Variants in KIF5C observed in about 807,000 individuals in gnomAD.
KIF5C encodes the protein kinesin family member 5C.
In KIF5C, 18 loss-of-function variants were observed where a neutral mutation model predicts 125.2. The observed-to-expected ratio is 0.14, with a 90% CI of 0.10 to 0.21. The LOEUF (loss-of-function observed/expected upper bound fraction) is 0.21, where lower values mean the gene tolerates loss of function less well. Among genes scored for constraint, KIF5C ranks in the 10% least tolerant of loss-of-function variants. The probability of loss-of-function intolerance (pLI) is 1.00; values close to 1 mark genes in which losing one functional copy is unlikely to be tolerated. For synonymous variants in KIF5C, 405 were observed against 434.0 expected (o/e 0.93, Z 0.83); for missense variants, 780 against 1,183.8 (o/e 0.66, Z 5.01).
intron 1 of KIF5C, among the ~76,000 whole-genome samples, chr2:148,887,091 A>G (rs185373140): frequency 1.8e-4 from 27 of 152,360 alleles, no homozygotes; most frequent in Non-Finnish European, 3.4e-4. Flanking sequence ...GATAAGCAGT[A>G]GGTATAAAAT....
intron 1 of KIF5C, among the ~76,000 whole-genome samples, chr2:148,891,123 A>G (rs1251745709): frequency 6.6e-6 from 1 of 152,228 alleles, no homozygotes. Context: ...TGCATATTTC[A>G]GAGTCTCCTG....
At chr2:149,008,765 A>C (rs1348786814) in intron 23 of KIF5C, among the ~76,000 whole-genome samples, 1 of 152,138 alleles carries the variant, frequency 6.6e-6, no homozygotes, top group East Asian at 1.9e-4. Context: ...TTTTTAGACC[A>C]CATGGCCGAG....
intron 1 of KIF5C, chr2:148,878,873 C>T (rs910229795): frequency 6.6e-6 from 1 of 152,174 alleles, no homozygotes; most frequent in African/African-American, 2.4e-5. Context: ...GTGGAGTTAT[C>T]TGTTAGTCCA....
intron 1 of KIF5C, among the ~76,000 whole-genome samples, chr2:148,914,226 G>A (rs1315847383): frequency 6.6e-6 from 1 of 152,212 alleles, no homozygotes; most frequent in African/African-American, 2.4e-5. Flanking sequence ...CTGTAGGTAA[G>A]GGTACACAGC....
chr2:148,997,644 TA>T, intron 18 of KIF5C: 2 of 367,230 alleles, frequency 5.4e-6, no homozygotes. Context: ...TTGTCGGAGT[TA>T]ACTTCTAAGG....
In KIF5C at chr2:148,978,999, T is replaced by C; in HGVS notation, c.1362+9T>C. 1.9e-6 allele frequency: 3 copies of C among 1,555,684 alleles called. No individual in the cohort carries two copies. In the East Asian group the frequency reaches 7.1e-5, roughly 37 times the overall value. ...TGTTGGATCAGGATGAGGTAAAGAA[T>C]GCAATATATTTTTTTTTCCACAAAG... On this transcript the variant is annotated intron_variant, in intron 13 of 25. Coordinates refer to ENST00000435030, the MANE Select transcript of KIF5C (RefSeq NM_004522.3).
chr2:149,006,263 A>G (rs983122208), intron 22 of KIF5C, among the ~76,000 whole-genome samples: 2 of 152,104 alleles, frequency 1.3e-5, no homozygotes, highest in African/African-American at 4.8e-5. Flanking sequence ...AAAGAGGTCA[A>G]ATGTCTTACA....
In KIF5C at chr2:148,949,819, C is replaced by T; in HGVS notation, c.715-20C>T. ...TTCTGCCGTCCTGTGCTGCTCACTG[C>T]TTTCTTTTCTCTCTGGTAGGTCAGC... On this transcript the variant is annotated intron_variant, in intron 8 of 25. Transcript: ENST00000435030. 5 of 1,612,564 alleles carry T rather than the reference C, an allele frequency of 3.1e-6. No homozygotes were observed. Among genetic ancestry groups the T allele is most frequent in the Non-Finnish European group, 4.2e-6 (5 of 1,179,280 alleles).
At chr2:149,011,830 C>T in intron 25 of KIF5C, 147 bp downstream of exon 25, 1 of 1,145,496 alleles carries the variant, frequency 8.7e-7, no homozygotes, top group Non-Finnish European at 1.2e-6. Flanking sequence ...AAACAGAGAC[C>T]CAGACCTGTC....
At chr2:148,875,903 A>G (rs1441874605) in intron 1 of KIF5C, among the ~76,000 whole-genome samples, 160 bp downstream of exon 1, 2 of 143,412 alleles carry the variant, frequency 1.4e-5, no homozygotes, top group Non-Finnish European at 3.1e-5. Context: ...CCCGCGCACT[A>G]TGGTTCCCTC....
chr2:148,965,016 C>T (rs781174924), intron 11 of KIF5C, among the ~76,000 whole-genome samples: 24 of 151,758 alleles, frequency 1.6e-4, no homozygotes, highest in Admixed American at 1.3e-4. Flanking sequence ...GAGAAATTAG[C>T]CGGGTGTGGT....
intron 3 of KIF5C, among the ~76,000 whole-genome samples, chr2:148,935,239 A>G (rs1436117498): frequency 6.6e-6 from 1 of 152,012 alleles, no homozygotes; most frequent in Non-Finnish European, 1.5e-5. Flanking sequence ...CAGCACTTGT[A>G]TAAGCCAGGA....
intron 25 of KIF5C, among the ~76,000 whole-genome samples, chr2:149,017,853 G>A (rs1051930446): frequency 6.6e-6 from 1 of 152,040 alleles, no homozygotes; most frequent in East Asian, 1.9e-4. Context: ...AAATTAAATC[G>A]AAATAAAACC....
intron 23 of KIF5C, among the ~76,000 whole-genome samples, chr2:149,008,851 A>T (rs1487363261): frequency 6.6e-6 from 1 of 152,118 alleles, no homozygotes; most frequent in Non-Finnish European, 1.5e-5. Context: ...CAGAGAGAGG[A>T]TGATAGATTC....
chr2:148,949,214 G>GGTC (rs749462353), intron 8 of KIF5C, among the ~76,000 whole-genome samples: 6 of 152,142 alleles, frequency 3.9e-5, no homozygotes, highest in Non-Finnish European at 5.9e-5. Flanking sequence ...AACTATGCAT[G>GGTC]GTCCCTCTGG....
At chr2:148,956,633 C>G (rs954499694) in intron 10 of KIF5C, among the ~76,000 whole-genome samples, 1 of 152,190 alleles carries the variant, frequency 6.6e-6, no homozygotes, top group Middle Eastern at 3.2e-3. Context: ...AAAACAGATT[C>G]CCTGATAATG....
chr2:148,912,284 C>T lies in KIF5C; in HGVS notation c.127-9853C>T, dbSNP rs536163366. On this transcript the variant is annotated intron_variant, in intron 1 of 25. Transcript: ENST00000435030. The stretch of plus-strand genomic sequence containing the variant: ...CCACCCAGCTCTTCCAATACCTAAG[C>T]GTTGAAAAATATGGTACCCTGTCCT... Among the ~76,000 whole-genome samples the T allele has an allele frequency of 1.1e-4, 16 of 152,218 alleles. No individual in the cohort carries two copies. In the South Asian group the frequency reaches 2.7e-3, roughly 26 times the overall value.
chr2:148,981,664 T>C, intron 14 of KIF5C, 103 bp downstream of exon 14: 1 of 1,453,224 alleles, frequency 6.9e-7, no homozygotes, highest in Non-Finnish European at 9.1e-7. Context: ...AGTGGCTGAA[T>C]AGTTATTCAG....
chr2:148,922,374 CCCTG>C, intron 2 of KIF5C, 147 bp downstream of exon 2: 1 of 532,296 alleles, frequency 1.9e-6, no homozygotes, highest in Non-Finnish European at 3.3e-6. Flanking sequence ...TCGGTTCTAG[CCCTG>C]ATTTGCTATG....
Sources: allele counts gnomAD v4.1 joint callset (sites outside exome capture counted in the v4.1 genomes callset), GRCh38; gene constraint gnomAD v4.1.1; transcripts MANE v1.5; gene names NCBI Gene and HGNC (gene_info 2026-07-23, HGNC 2026-07-21).